UBAC1: variants seen among roughly 807,000 people sequenced by gnomAD.
UBAC1 encodes the protein ubiquitin-associated domain-containing protein 1.
Under a neutral mutation model 45.9 loss-of-function variants are expected in UBAC1, and 27 were observed. That is an observed-to-expected ratio of 0.59 (90% CI 0.43 to 0.81). UBAC1 has a LOEUF of 0.81. Ranked by LOEUF, UBAC1 falls within the 30% of genes least tolerant of loss-of-function variation. The pLI, the probability that UBAC1 is intolerant of heterozygous loss-of-function variation, is 0.00. For missense variants in UBAC1, 529 were observed against 539.2 expected (o/e 0.98, Z 0.19); for synonymous variants, 227 against 215.5 (o/e 1.05, Z -0.47).
chr9:135,961,338 C>A lies in UBAC1; in HGVS notation c.-176G>T, dbSNP rs1451798938. ...CTCTCCGCGGCCTCAGCGGTCGCCT[C>A]GCTCCCGCCGCCGCAGCAGCCGCCG... On this transcript the variant is annotated 5_prime_UTR_variant, in exon 1 of 10. Transcript: ENST00000371756. 2 of 317,938 alleles carry A rather than the reference C, an allele frequency of 6.3e-6. No homozygotes were observed. Among genetic ancestry groups the A allele is most frequent in the Non-Finnish European group, 9.0e-6 (2 of 221,000 alleles). 19.7% of individuals were successfully genotyped at this position (317,938 alleles called of 1,614,324 possible). A position where few individuals can be genotyped will look rare whatever the true frequency, so the allele number is the denominator to read the frequency against.
rs968074444 is a variant in UBAC1, at chr9:135,961,240, G to T, written c.-78C>A. On this transcript the variant is annotated 5_prime_UTR_variant, in exon 1 of 10. Transcript: ENST00000371756. ...CGGGAAGGCGGGCGGGGAGGGGGCGGGGCCAGACCGCCCGCGCGCTCCTTC... is the reference window on the plus strand; with the variant it reads ...CGGGAAGGCGGGCGGGGAGGGGGCGTGGCCAGACCGCCCGCGCGCTCCTTC... 5.5e-6 allele frequency: 7 copies of T among 1,281,454 alleles called. No homozygotes were observed. In the African/African-American group the frequency reaches 1.1e-4, roughly 20 times the overall value. The allele number at this position is 1,281,454 out of a possible 1,614,324, so 79.4% of individuals were successfully genotyped here.
intron 5 of UBAC1, 42 bp downstream of exon 5, chr9:135,946,227 C>T (rs1468996604): frequency 7.0e-7 from 1 of 1,421,920 alleles, no homozygotes; most frequent in South Asian, 1.1e-5. Context: ...CCAAGGCCGG[C>T]AGTGAACCGC....
At chr9:135,935,086 G>T (rs1396145801) in intron 9 of UBAC1, among the ~76,000 whole-genome samples, 1 of 152,018 alleles carries the variant, frequency 6.6e-6, no homozygotes, top group East Asian at 1.9e-4. Flanking sequence ...TAGTAGAGAG[G>T]AGGTCCTGCT....
At position 135,936,957 on chromosome 9, in the gene UBAC1, G is replaced by A. The variant is rs181876280; in HGVS notation, c.1102+1265C>T. The stretch of plus-strand genomic sequence containing the variant: ...AAAAGGGTCAGCATCCAGGAGGTGA[G>A]GACCTTTCTGAATGAATAAGAAAAC... On this transcript the variant is annotated intron_variant, in intron 9 of 9. Transcript: ENST00000371756. Among the ~76,000 whole-genome samples the A allele has an allele frequency of 3.7e-3, 567 of 152,336 alleles. 6 individuals carry two copies. The highest frequency in any genetic ancestry group is 0.013 in the African/African-American group (556 of 41,574).
At chr9:135,959,164 C>T (rs150946293) in intron 1 of UBAC1, among the ~76,000 whole-genome samples, 157 of 152,216 alleles carry the variant, frequency 1.0e-3, no homozygotes, top group African/African-American at 3.7e-3. Flanking sequence ...AAGTAAATGC[C>T]GTGCCAACGC....
intron 4 of UBAC1, among the ~76,000 whole-genome samples, chr9:135,946,832 G>A (rs1357401607): frequency 3.3e-5 from 5 of 152,198 alleles, no homozygotes; most frequent in East Asian, 1.9e-4. Context: ...GGGATGGACC[G>A]GAGATGCCCT....
intron 7 of UBAC1, among the ~76,000 whole-genome samples, chr9:135,943,282 TG>T (rs1271041084): frequency 6.6e-6 from 1 of 152,026 alleles, no homozygotes; most frequent in Non-Finnish European, 1.5e-5. Flanking sequence ...TAGCTGGGCG[TG>T]GTGGGTGTGT....
chr9:135,960,985 G>T, intron 1 of UBAC1, 40 bp downstream of exon 1: 1 of 1,471,524 alleles, frequency 6.8e-7, no homozygotes, highest in Non-Finnish European at 9.0e-7. Context: ...GGAGGGGTCC[G>T]GAGCGGGTGT....
chr9:135,935,777 AGCACTTTGGG>A (rs1839196534), intron 9 of UBAC1, among the ~76,000 whole-genome samples: 1 of 152,252 alleles, frequency 6.6e-6, no homozygotes, highest in African/African-American at 2.4e-5. Context: ...CTGTAATCCC[AGCACTTTGGG>A]AGGCCGAGAC....
chr9:135,960,961 C>G (rs1320296029), intron 1 of UBAC1, 64 bp downstream of exon 1: 7 of 1,381,792 alleles, frequency 5.1e-6, no homozygotes, highest in Admixed American at 2.9e-5. Context: ...GGGACTGAGG[C>G]GGGGTCCGCA....
chr9:135,953,490 T>C (rs1839430837), intron 3 of UBAC1, among the ~76,000 whole-genome samples, 190 bp downstream of exon 3: 1 of 152,020 alleles, frequency 6.6e-6, no homozygotes, highest in South Asian at 2.1e-4. Flanking sequence ...CTAATTTTTT[T>C]TGTATTTTTA....
At chr9:135,952,225 C>T (rs978866689) in intron 3 of UBAC1, among the ~76,000 whole-genome samples, 10 of 152,262 alleles carry the variant, frequency 6.6e-5, no homozygotes, top group Admixed American at 5.2e-4. Flanking sequence ...CCTGGGTACC[C>T]ATGGTCCCAG....
At chr9:135,959,699 A>G (rs1362263033) in intron 1 of UBAC1, among the ~76,000 whole-genome samples, 1 of 152,084 alleles carries the variant, frequency 6.6e-6, no homozygotes, top group African/African-American at 2.4e-5. Flanking sequence ...AATACACACA[A>G]CTAGACAAGC....
At position 135,953,480 on chromosome 9, in the gene UBAC1, C is replaced by T. The variant is rs1839430730; in HGVS notation, c.333+200G>A. Among the ~76,000 whole-genome samples, 4 of 152,054 alleles carry T rather than the reference C, an allele frequency of 2.6e-5. No homozygotes were observed. In the South Asian group the frequency reaches 6.2e-4, roughly 24 times the overall value. ...TACAGGCATGAGCCACCATGCCCAG[C>T]TAATTTTTTTTGTATTTTTAGTAGA... On this transcript the variant is annotated intron_variant, in intron 3 of 9. Transcript: ENST00000371756.
rs1330914519 is a variant in UBAC1, at chr9:135,961,273, C to T, written c.-111G>A. 11 of 971,674 alleles carry T rather than the reference C, an allele frequency of 1.1e-5. No homozygotes were observed. Among genetic ancestry groups the T allele is most frequent in the African/African-American group, 1.7e-5 (1 of 57,448 alleles). 60.2% of individuals were successfully genotyped at this position (971,674 alleles called of 1,614,324 possible). On this transcript the variant is annotated 5_prime_UTR_variant, in exon 1 of 10. Transcript: ENST00000371756. The stretch of plus-strand genomic sequence containing the variant: ...CCGCCCGCGCGCTCCTTCGCTGGGC[C>T]GCCGCCCCGCCCCGGCTCCCGTCGG...
At chr9:135,946,019 A>C in intron 5 of UBAC1, 22 bp from the exon 6 acceptor site, 1 of 1,605,054 alleles carries the variant, frequency 6.2e-7, no homozygotes, top group East Asian at 2.2e-5. Context: ...CGACAGGGCC[A>C]TGAGGGCTCC....
At chr9:135,937,873 G>A (rs1839218041) in intron 9 of UBAC1, among the ~76,000 whole-genome samples, 1 of 152,236 alleles carries the variant, frequency 6.6e-6, no homozygotes, top group Non-Finnish European at 1.5e-5. Context: ...CGAGTAGTAA[G>A]AGCAAAAGCC....
intron 9 of UBAC1, 30 bp downstream of exon 9, chr9:135,938,192 C>T (rs757839358): frequency 5.6e-6 from 9 of 1,609,306 alleles, no homozygotes; most frequent in East Asian, 2.2e-5. Flanking sequence ...CTCCCCGACC[C>T]GAGACTTAGC....
At chr9:135,935,375 A>G (rs1186418396) in intron 9 of UBAC1, among the ~76,000 whole-genome samples, 1 of 152,230 alleles carries the variant, frequency 6.6e-6, no homozygotes, top group African/African-American at 2.4e-5. Flanking sequence ...GCCAGGCACA[A>G]TGGCTCTCGC....
Sources: allele counts gnomAD v4.1 joint callset (sites outside exome capture counted in the v4.1 genomes callset), GRCh38; gene constraint gnomAD v4.1.1; transcripts MANE v1.5; gene names NCBI Gene and HGNC (gene_info 2026-07-23, HGNC 2026-07-21).